EYS: variants seen among roughly 807,000 people sequenced by gnomAD.
The protein encoded by EYS is EGF-like photoreceptor maintenance factor.
EYS carries 250 observed loss-of-function variants against 282.1 expected under a neutral mutation model. The observed-to-expected ratio is 0.89, with a 90% CI of 0.80 to 0.98. The LOEUF is 0.98. EYS is among the 50% of genes least tolerant of loss of function. The pLI is 0.00. For synonymous variants in EYS, 1,355 were observed against 1,282.9 expected (o/e 1.06, Z -1.20); for missense variants, 4,016 against 3,709.0 (o/e 1.08, Z -2.15).
intron 32 of EYS, among the ~76,000 whole-genome samples, chr6:64,078,220 CTGAAA>C (rs1316515583): frequency 1.3e-5 from 2 of 151,928 alleles, no homozygotes; most frequent in Non-Finnish European, 2.9e-5. Flanking sequence ...TTGAGTTGAA[CTGAAA>C]TATTTAGGAA....
At chr6:65,600,019 G>A (rs545349130) in intron 2 of EYS, among the ~76,000 whole-genome samples, 1 of 152,144 alleles carries the variant, frequency 6.6e-6, no homozygotes, top group Admixed American at 6.6e-5. Context: ...GCATGTAAAA[G>A]TGATCATGTG....
chr6:64,439,955 T>G (rs892893429), intron 26 of EYS, among the ~76,000 whole-genome samples: 1 of 151,706 alleles, frequency 6.6e-6, no homozygotes. Context: ...AGCTTATTTT[T>G]GAATAAGTTG....
intron 19 of EYS, among the ~76,000 whole-genome samples, chr6:64,868,737 G>C (rs1376949857): frequency 6.6e-6 from 1 of 151,452 alleles, no homozygotes; most frequent in Non-Finnish European, 1.5e-5. Flanking sequence ...TAAACATTTT[G>C]TCATTTCATT....
At chr6:65,305,814 C>A (rs1422419452) in intron 11 of EYS, among the ~76,000 whole-genome samples, 1 of 152,090 alleles carries the variant, frequency 6.6e-6, no homozygotes, top group African/African-American at 2.4e-5. Context: ...ATTTCTAATT[C>A]TCCCAACAAA....
chr6:65,443,329 T>C (rs1468546598), intron 5 of EYS, among the ~76,000 whole-genome samples: 3 of 101,406 alleles, frequency 3.0e-5, no homozygotes, highest in African/African-American at 8.0e-5. Context: ...CATATATGCA[T>C]ACATGTATGT....
intron 26 of EYS, among the ~76,000 whole-genome samples, chr6:64,531,094 A>G (rs1235988286): frequency 1.3e-5 from 2 of 152,356 alleles, no homozygotes; most frequent in Admixed American, 6.5e-5. Flanking sequence ...AAAGTAGTCA[A>G]GAAACAAGAG....
intron 22 of EYS, among the ~76,000 whole-genome samples, chr6:64,726,800 T>C (rs1332602677): frequency 6.6e-6 from 1 of 152,166 alleles, no homozygotes; most frequent in Non-Finnish European, 1.5e-5. Flanking sequence ...ATAATTCCTG[T>C]AGAACGAAAA....
intron 13 of EYS, among the ~76,000 whole-genome samples, chr6:65,039,508 A>T (rs529593304): frequency 5.7e-4 from 87 of 151,434 alleles, no homozygotes; most frequent in South Asian, 4.6e-3. Context: ...GTCAATTTTT[A>T]AAAAAAACTA....
At chr6:64,953,988 G>T (rs1408684332) in intron 14 of EYS, among the ~76,000 whole-genome samples, 2 of 126,948 alleles carry the variant, frequency 1.6e-5, no homozygotes, top group Non-Finnish European at 3.3e-5. Context: ...GTTCCCATGT[G>T]ATTATACTTT....
intron 14 of EYS, among the ~76,000 whole-genome samples, chr6:64,962,165 G>A (rs766992146): frequency 6.6e-5 from 10 of 151,922 alleles, no homozygotes; most frequent in Non-Finnish European, 1.5e-4. Flanking sequence ...TTCTCGGTTA[G>A]CACACTTGCT....
chr6:63,971,273 T>C (rs1766557643), intron 35 of EYS, among the ~76,000 whole-genome samples: 1 of 152,242 alleles, frequency 6.6e-6, no homozygotes, highest in Non-Finnish European at 1.5e-5. Context: ...TAGCATTATC[T>C]GGGTTTTTAT....
rs576919602 is a variant in EYS at position 64,635,871 on chromosome 6, T to C, written c.3444-9626A>G. Reference sequence around the variant, plus strand: ...TTAGGGAGGATTCCCGCTTTTTCTATTTATTGGAATAGTTTCAGAAGGAAT... The same window carrying C: ...TTAGGGAGGATTCCCGCTTTTTCTACTTATTGGAATAGTTTCAGAAGGAAT... On this transcript the variant is annotated intron_variant, in intron 22 of 42. Transcript: ENST00000503581. Among the ~76,000 whole-genome samples, 3 of 152,310 alleles carry C rather than the reference T, an allele frequency of 2.0e-5. No individual in the cohort carries two copies. In the South Asian group the frequency reaches 6.2e-4, roughly 32 times the overall value.
chr6:65,331,092 C>T, intron 11 of EYS: 1 of 983,994 alleles, frequency 1.0e-6, no homozygotes, highest in Non-Finnish European at 1.2e-6. Context: ...CATCAGATCC[C>T]ACCCCATTAG....
chr6:64,208,632 G>T (rs1562254188), intron 31 of EYS, among the ~76,000 whole-genome samples: 1 of 152,060 alleles, frequency 6.6e-6, no homozygotes. Flanking sequence ...AAATATTTTA[G>T]AAATCCAAAA....
At chr6:64,588,810 A>C (rs1349153455) in intron 26 of EYS, among the ~76,000 whole-genome samples, 1 of 152,058 alleles carries the variant, frequency 6.6e-6, no homozygotes, top group African/African-American at 2.4e-5. Context: ...AATGCCTTGC[A>C]AATGATTTAT....
At chr6:65,553,180 T>C (rs1306140686) in intron 2 of EYS, among the ~76,000 whole-genome samples, 2 of 152,136 alleles carry the variant, frequency 1.3e-5, no homozygotes, top group African/African-American at 2.4e-5. Context: ...CCTCCTAAAA[T>C]GATAACCTGA....
chr6:63,770,454 GAC>G (rs1179287128), intron 40 of EYS, among the ~76,000 whole-genome samples: 1 of 152,096 alleles, frequency 6.6e-6, no homozygotes, highest in East Asian at 1.9e-4. Context: ...CAAAAGCACA[GAC>G]ACAAAATCTA....
intron 12 of EYS, among the ~76,000 whole-genome samples, chr6:65,285,510 A>T (rs1332983923): frequency 1.3e-5 from 2 of 151,958 alleles, no homozygotes; most frequent in African/African-American, 4.8e-5. Context: ...TAGATTAGAA[A>T]TCTTTTAAGA....
At chr6:65,135,412 TGTTA>T (rs1400697713) in intron 12 of EYS, among the ~76,000 whole-genome samples, 1 of 152,096 alleles carries the variant, frequency 6.6e-6, no homozygotes, top group African/African-American at 2.4e-5. Flanking sequence ...TGCAAAAACT[TGTTA>T]GTAATTGAGA....
Sources: gnomAD v4.1 joint callset for allele counts (sites outside exome capture counted in the v4.1 genomes callset) on GRCh38, gnomAD v4.1.1 for gene constraint, MANE v1.5 for transcripts, NCBI Gene and HGNC (gene_info 2026-07-23, HGNC 2026-07-21) for gene names.